Variants in SMCO4 observed in about 807,000 individuals in gnomAD.
SMCO4 encodes single-pass membrane and coiled-coil domain-containing protein 4.
In SMCO4, 4 loss-of-function variants were observed where a neutral mutation model predicts 3.6. The ratio of observed to expected loss-of-function variants is 1.11; its 90% CI spans 0.54 to 2.53. SMCO4 has a LOEUF of 2.53. Among genes scored for constraint, SMCO4 ranks in the 30% most tolerant of loss-of-function variants. The pLI is 0.02. For synonymous variants in SMCO4, 36 were observed against 35.3 expected (o/e 1.02, Z -0.07); for missense variants, 70 against 80.8 (o/e 0.87, Z 0.51).
chr11:93,496,744 CA>C (rs1565377198), intron 2 of SMCO4, among the ~76,000 whole-genome samples: 1 of 152,182 alleles, frequency 6.6e-6, no homozygotes, highest in Non-Finnish European at 1.5e-5. Flanking sequence ...GTTAAGAAAA[CA>C]ATAACCTTAA....
intron 1 of SMCO4, among the ~76,000 whole-genome samples, chr11:93,541,609 C>T (rs1158286585): frequency 1.3e-5 from 2 of 152,090 alleles, no homozygotes; most frequent in African/African-American, 4.8e-5. Context: ...AAATTCGGGT[C>T]CACAGGTGAA....
chr11:93,479,787 T>G (rs951583764), intron 2 of SMCO4, among the ~76,000 whole-genome samples: 1 of 152,140 alleles, frequency 6.6e-6, no homozygotes, highest in Non-Finnish European at 1.5e-5. Context: ...ATCTCTTTGT[T>G]GGTTCCTTGG....
intron 1 of SMCO4, among the ~76,000 whole-genome samples, chr11:93,534,474 G>C (rs553875182): frequency 1.1e-4 from 16 of 152,058 alleles, no homozygotes; most frequent in African/African-American, 3.9e-4. Context: ...GTAATATGCT[G>C]AGAGATTTAT....
chr11:93,508,615 T>C (rs866029754), intron 1 of SMCO4, among the ~76,000 whole-genome samples: 6 of 151,984 alleles, frequency 3.9e-5, no homozygotes, highest in Admixed American at 3.9e-4. Flanking sequence ...GCTTTAAACA[T>C]CTAAAGATGC....
At chr11:93,527,664 T>C (rs568879927) in intron 1 of SMCO4, among the ~76,000 whole-genome samples, 101 of 152,168 alleles carry the variant, frequency 6.6e-4, no homozygotes, top group Non-Finnish European at 1.4e-3. Flanking sequence ...TCTCACTATA[T>C]TGTCCAGGCT....
At chr11:93,497,834 ACT>A (rs1044866482) in intron 2 of SMCO4, among the ~76,000 whole-genome samples, 5 of 152,174 alleles carry the variant, frequency 3.3e-5, no homozygotes, top group African/African-American at 1.2e-4. Flanking sequence ...AAGAGAAAGC[ACT>A]CTACAAATGT....
intron 1 of SMCO4, among the ~76,000 whole-genome samples, chr11:93,509,025 C>T (rs868074481): frequency 4.5e-4 from 68 of 152,102 alleles, no homozygotes; most frequent in African/African-American, 1.5e-3. Context: ...TGCAGTGGCC[C>T]ATGCCTGTAA....
intron 2 of SMCO4, among the ~76,000 whole-genome samples, chr11:93,493,117 GA>G (rs888577230): frequency 2.6e-5 from 4 of 152,142 alleles, no homozygotes; most frequent in African/African-American, 9.7e-5. Context: ...ACCTTAAGCT[GA>G]TTTACCAGTC....
At chr11:93,522,385 C>A (rs982202779) in intron 1 of SMCO4, among the ~76,000 whole-genome samples, 1 of 152,166 alleles carries the variant, frequency 6.6e-6, no homozygotes, top group African/African-American at 2.4e-5. Context: ...CTGGTTCTGT[C>A]TTTCTCAGCA....
chr11:93,536,259 C>T (rs968769112), intron 1 of SMCO4, among the ~76,000 whole-genome samples: 27 of 152,204 alleles, frequency 1.8e-4, no homozygotes, highest in African/African-American at 6.5e-4. Flanking sequence ...CTCTTGAGAG[C>T]ATAGTATGGG....
the SMCO4 span, among the ~76,000 whole-genome samples, chr11:93,552,234 G>A: frequency 1.6e-4 from 22 of 136,690 alleles, no homozygotes; most frequent in Admixed American, 1.1e-3. Flanking sequence ...TCGGCTCACT[G>A]CAATCTCCTC....
intron 1 of SMCO4, among the ~76,000 whole-genome samples, chr11:93,509,306 A>T (rs1948937252): frequency 1.3e-5 from 2 of 152,088 alleles, no homozygotes; most frequent in East Asian, 1.9e-4. Flanking sequence ...GGAAAAAAAA[A>T]AAAAAAGTTG....
the SMCO4 span, among the ~76,000 whole-genome samples, chr11:93,552,492 G>A: frequency 1.9e-5 from 2 of 105,426 alleles, no homozygotes; most frequent in Non-Finnish European, 4.3e-5. Flanking sequence ...TTATTTTTGA[G>A]ACAGAGTCTC....
At chr11:93,545,576 G>A (rs571458394), upstream of SMCO4, among the ~76,000 whole-genome samples, 3 of 75,724 alleles carry the variant, frequency 4.0e-5, no homozygotes, top group African/African-American at 5.1e-5. Flanking sequence ...CAACAAGAGT[G>A]AAACTCTGTC....
intron 1 of SMCO4, among the ~76,000 whole-genome samples, chr11:93,534,151 A>T (rs1334922600): frequency 6.6e-6 from 1 of 150,546 alleles, no homozygotes; most frequent in Non-Finnish European, 1.5e-5. Context: ...AGATCGCGGC[A>T]CAGCACTCCA....
At chr11:93,541,373 G>A (rs943804526) in intron 1 of SMCO4, among the ~76,000 whole-genome samples, 1 of 152,126 alleles carries the variant, frequency 6.6e-6, no homozygotes, top group African/African-American at 2.4e-5. Context: ...GAGAAGTCTG[G>A]GCATGCCAGA....
intron 1 of SMCO4, among the ~76,000 whole-genome samples, chr11:93,501,937 G>T (rs1051931278): frequency 2.0e-5 from 3 of 152,016 alleles, no homozygotes; most frequent in Admixed American, 6.6e-5. Flanking sequence ...TGGAACCCCT[G>T]CTATGCCTCT....
chr11:93,534,331 CATATATACACAT>C (rs944714752), intron 1 of SMCO4, among the ~76,000 whole-genome samples: 1 of 141,092 alleles, frequency 7.1e-6, no homozygotes, highest in African/African-American at 2.6e-5. Flanking sequence ...TACACATATA[CATATATACACAT>C]ATATATACAC....
upstream of SMCO4, among the ~76,000 whole-genome samples, chr11:93,544,412 C>G (rs978892683): frequency 2.6e-5 from 4 of 152,174 alleles, no homozygotes; most frequent in African/African-American, 7.2e-5. Context: ...AACCTCTTCC[C>G]CTCCACCGGT....
Sources: allele counts gnomAD v4.1 joint callset (sites outside exome capture counted in the v4.1 genomes callset), GRCh38; gene constraint gnomAD v4.1.1; transcripts MANE v1.5; gene names NCBI Gene and HGNC (gene_info 2026-07-23, HGNC 2026-07-21).